Variants in ADCK1 observed in about 807,000 individuals in gnomAD.
ADCK1 encodes the protein aarF domain containing kinase 1, also known as aarF domain-containing protein kinase 1.
ADCK1 carries 41 observed loss-of-function variants against 52.3 expected under a neutral mutation model. The observed-to-expected ratio is 0.78, with a 90% CI of 0.61 to 1.02. ADCK1 has a LOEUF of 1.02. Ranked by LOEUF, ADCK1 falls within the 50% of genes least tolerant of loss-of-function variation. The pLI, the probability that ADCK1 is intolerant of heterozygous loss-of-function variation, is 0.00. For synonymous variants in ADCK1, 250 were observed against 274.6 expected (o/e 0.91, Z 0.89); for missense variants, 658 against 679.5 (o/e 0.97, Z 0.35).
intron 4 of ADCK1, among the ~76,000 whole-genome samples, chr14:77,873,821 G>A (rs1467577448): frequency 4.6e-5 from 7 of 152,172 alleles, no homozygotes; most frequent in Non-Finnish European, 7.3e-5. Flanking sequence ...CAGCCACACC[G>A]AACTGTAAGT....
intron 1 of ADCK1, among the ~76,000 whole-genome samples, chr14:77,806,882 T>A (rs2081235321): frequency 6.6e-6 from 1 of 151,558 alleles, no homozygotes. Context: ...ACCCAGCTAA[T>A]TTTTGTATTT....
intron 3 of ADCK1, among the ~76,000 whole-genome samples, chr14:77,852,677 A>AT (rs1174966238): frequency 2.8e-4 from 21 of 75,410 alleles, no homozygotes; most frequent in African/African-American, 7.0e-4. Flanking sequence ...ATATATATAT[A>AT]TATATATATA....
At chr14:77,843,689 T>A (rs952967181) in intron 3 of ADCK1, among the ~76,000 whole-genome samples, 1 of 152,216 alleles carries the variant, frequency 6.6e-6, no homozygotes, top group Non-Finnish European at 1.5e-5. Flanking sequence ...CACAGTCACA[T>A]CAGCTCATTT....
At chr14:77,870,735 T>C (rs1469983600) in intron 4 of ADCK1, among the ~76,000 whole-genome samples, 1 of 152,234 alleles carries the variant, frequency 6.6e-6, no homozygotes, top group Admixed American at 6.5e-5. Context: ...GCCATGGTTA[T>C]GGCTCTTGAA....
At chr14:77,894,150 G>A (rs760966234) in intron 5 of ADCK1, among the ~76,000 whole-genome samples, 4 of 152,198 alleles carry the variant, frequency 2.6e-5, no homozygotes, top group Admixed American at 2.6e-4. Flanking sequence ...AAAATATCCA[G>A]AGATGTGGGC....
intron 1 of ADCK1, among the ~76,000 whole-genome samples, chr14:77,804,239 G>A (rs1488789263): frequency 6.6e-6 from 1 of 152,038 alleles, no homozygotes; most frequent in Non-Finnish European, 1.5e-5. Flanking sequence ...ATTAACAAAG[G>A]GTTTAATAAG....
intron 3 of ADCK1, among the ~76,000 whole-genome samples, chr14:77,831,945 A>T (rs780938469): frequency 1.3e-5 from 2 of 150,936 alleles, no homozygotes; most frequent in Non-Finnish European, 2.9e-5. Flanking sequence ...TAATGTACAC[A>T]TGTGGAAGTA....
chr14:77,912,080 TA>T (rs2083804465), intron 7 of ADCK1, among the ~76,000 whole-genome samples: 1 of 152,214 alleles, frequency 6.6e-6, no homozygotes, highest in South Asian at 2.1e-4. Flanking sequence ...AATGGAATCA[TA>T]CAGTTTTGGG....
intron 8 of ADCK1, among the ~76,000 whole-genome samples, chr14:77,925,037 C>A (rs1050424869): frequency 1.3e-5 from 2 of 152,196 alleles, no homozygotes; most frequent in Admixed American, 1.3e-4. Context: ...GGGCCTCAGA[C>A]TGTGTCCTCA....
rs2081795926 is a variant in ADCK1 at position 77,829,561 on chromosome 14, T to C, written c.219+7043T>C. On this transcript the variant is annotated intron_variant, in intron 3 of 10. Coordinates refer to ENST00000238561, the MANE Select transcript of ADCK1 (RefSeq NM_020421.4). ...ATCCTGGTGCCTTGGCCTCCCAAAG[T>C]GCTGGGATTATGGGCATGAGCCACC... Among the ~76,000 whole-genome samples, 8 of 151,334 alleles carry C rather than the reference T, an allele frequency of 5.3e-5. 1 individual carries two copies. Among genetic ancestry groups the C allele is most frequent in the Admixed American group, 5.3e-4 (8 of 15,206 alleles).
rs1179915909 is a variant in ADCK1 at position 77,842,372 on chromosome 14, A to C, written c.220-16704A>C. 2.0e-5 allele frequency among the ~76,000 whole-genome samples: 3 copies of C among 151,084 alleles called. No homozygotes were observed. In the South Asian group the frequency reaches 6.3e-4, roughly 32 times the overall value. On this transcript the variant is annotated intron_variant, in intron 3 of 10. Coordinates refer to ENST00000238561, the MANE Select transcript of ADCK1 (RefSeq NM_020421.4). ...CCTGTTGGTCTTCACATTGTCCCTG[A>C]GCTTTGTGCCTATTTTAGCTGTCTC...
chr14:77,818,545 G>A (rs1333482576), intron 1 of ADCK1, among the ~76,000 whole-genome samples: 1 of 152,162 alleles, frequency 6.6e-6, no homozygotes, highest in East Asian at 1.9e-4. Context: ...GCCTCCTAAA[G>A]TGTTGGTATT....
chr14:77,814,540 A>G (rs950590396), intron 1 of ADCK1, among the ~76,000 whole-genome samples: 4 of 151,700 alleles, frequency 2.6e-5, no homozygotes, highest in Non-Finnish European at 4.4e-5. Flanking sequence ...GTTGGAGACC[A>G]GCCTGAGCAA....
intron 3 of ADCK1, among the ~76,000 whole-genome samples, chr14:77,837,870 G>C (rs1451101903): frequency 6.6e-6 from 1 of 152,230 alleles, no homozygotes; most frequent in East Asian, 1.9e-4. Flanking sequence ...TAGGCTGCAG[G>C]TGCTGTGAGG....
intron 1 of ADCK1, among the ~76,000 whole-genome samples, chr14:77,801,396 G>A (rs894246007): frequency 1.3e-5 from 2 of 152,170 alleles, no homozygotes; most frequent in African/African-American, 4.8e-5. Context: ...CTTTTTTGGT[G>A]ATTGTAAATA....
chr14:77,829,267 A>T (rs1465539814), intron 3 of ADCK1, among the ~76,000 whole-genome samples: 1 of 148,464 alleles, frequency 6.7e-6, no homozygotes, highest in Non-Finnish European at 1.5e-5. Context: ...ACATACACAC[A>T]CTTCTGTCTT....
chr14:77,903,814 G>A (rs1186880232), intron 6 of ADCK1, among the ~76,000 whole-genome samples: 1 of 152,158 alleles, frequency 6.6e-6, no homozygotes, highest in African/African-American at 2.4e-5. Flanking sequence ...TGGGAAGTAT[G>A]ATAACTTCCC....
chr14:77,912,433 C>CGCGT lies in ADCK1; in HGVS notation c.858+4515_858+4516insCGTG, dbSNP rs1305847616. Reference sequence around the variant, plus strand: ...CACGGCCTTGAAGACTACGGAGGAGCGTGTGTGTGTGTGTGTGTGTGTGTG... The same window carrying CGCGT: ...CACGGCCTTGAAGACTACGGAGGAGCGCGTGTGTGTGTGTGTGTGTGTGTGTGTG... On this transcript the variant is annotated intron_variant, in intron 7 of 10. Transcript: ENST00000238561. Among the ~76,000 whole-genome samples the CGCGT allele has an allele frequency of 1.7e-4, 23 of 138,254 alleles. No individual in the cohort carries two copies. In the South Asian group the frequency reaches 2.6e-3, roughly 15 times the overall value. 90.7% of individuals were successfully genotyped at this position (138,254 alleles called of 152,430 possible).
chr14:77,847,348 A>G (rs10135517), intron 3 of ADCK1, among the ~76,000 whole-genome samples: 34,925 of 152,090 alleles, frequency 0.23, 4,071 homozygotes, highest in Middle Eastern at 0.33. Flanking sequence ...AGGTGGGTGG[A>G]TCACTTGAGG....
Sources: gnomAD v4.1 joint callset for allele counts (sites outside exome capture counted in the v4.1 genomes callset) on GRCh38, gnomAD v4.1.1 for gene constraint, MANE v1.5 for transcripts, NCBI Gene and HGNC (gene_info 2026-07-23, HGNC 2026-07-21) for gene names.